Variants in CNBD1 observed in about 807,000 individuals in gnomAD.
CNBD1 encodes cyclic nucleotide-binding domain-containing protein 1.
Under a neutral mutation model 54.4 loss-of-function variants are expected in CNBD1, and 71 were observed. That is an observed-to-expected ratio of 1.30 (90% CI 1.08 to 1.59). The LOEUF (loss-of-function observed/expected upper bound fraction) is 1.59. Ranked by LOEUF, CNBD1 falls within the 40% of genes most tolerant of loss-of-function variation. The pLI is 0.00. For synonymous variants in CNBD1, 182 were observed against 170.7 expected (o/e 1.07, Z -0.51); for missense variants, 659 against 518.0 (o/e 1.27, Z -2.64).
chr8:87,260,909 G>A (rs975261259), intron 6 of CNBD1, among the ~76,000 whole-genome samples: 1 of 151,844 alleles, frequency 6.6e-6, no homozygotes, highest in Non-Finnish European at 1.5e-5. Context: ...TAAAATATTG[G>A]CTTTACTCTC....
chr8:86,968,036 C>T (rs1374948094), intron 4 of CNBD1, among the ~76,000 whole-genome samples: 1 of 152,046 alleles, frequency 6.6e-6, no homozygotes, highest in Admixed American at 6.6e-5. Flanking sequence ...ACATGTGCTT[C>T]TGAGTATTTT....
intron 4 of CNBD1, among the ~76,000 whole-genome samples, chr8:86,999,378 G>A (rs76717315): frequency 0.028 from 4,246 of 152,114 alleles, 87 homozygotes; most frequent in Non-Finnish European, 0.041. Context: ...TCCCTACTGG[G>A]AACCTCCATG....
At chr8:87,343,261 GT>G (rs2130921145) in intron 8 of CNBD1, among the ~76,000 whole-genome samples, 1 of 152,192 alleles carries the variant, frequency 6.6e-6, no homozygotes, top group African/African-American at 2.4e-5. Flanking sequence ...AAACACACAT[GT>G]TTTACGGTCA....
intron 2 of CNBD1, among the ~76,000 whole-genome samples, chr8:87,402,988 A>C (rs1586081028): frequency 2.0e-5 from 3 of 152,188 alleles, no homozygotes; most frequent in Middle Eastern, 3.4e-3. Flanking sequence ...GAAAGTATTT[A>C]TGTATTTTAT....
chr8:87,002,860 C>T (rs1290693669), intron 4 of CNBD1, among the ~76,000 whole-genome samples: 1 of 152,084 alleles, frequency 6.6e-6, no homozygotes, highest in Non-Finnish European at 1.5e-5. Flanking sequence ...CTATGTCTTT[C>T]TTGTTGACTG....
intron 4 of CNBD1, among the ~76,000 whole-genome samples, chr8:87,008,209 C>G (rs994879907): frequency 4.6e-5 from 7 of 152,132 alleles, no homozygotes; most frequent in Admixed American, 2.0e-4. Context: ...CTATTAAGTC[C>G]TACATGTGTT....
At chr8:87,093,395 A>G (rs528699297) in intron 4 of CNBD1, among the ~76,000 whole-genome samples, 12 of 151,998 alleles carry the variant, frequency 7.9e-5, no homozygotes, top group Non-Finnish European at 1.8e-4. Flanking sequence ...TGAGAGGAAA[A>G]TCTGGCTGCC....
intron 6 of CNBD1, among the ~76,000 whole-genome samples, chr8:87,240,073 C>T (rs1369093451): frequency 1.4e-5 from 2 of 143,152 alleles, no homozygotes; most frequent in Non-Finnish European, 3.1e-5. Flanking sequence ...AAAACACACA[C>T]ACACACACAC....
intron 4 of CNBD1, among the ~76,000 whole-genome samples, chr8:87,192,639 A>C (rs1486822473): frequency 6.6e-6 from 1 of 152,202 alleles, no homozygotes; most frequent in Non-Finnish European, 1.5e-5. Flanking sequence ...AGTAACATGA[A>C]ACATAGTGAG....
chr8:87,244,349 C>A (rs963385688), intron 6 of CNBD1, among the ~76,000 whole-genome samples: 1 of 151,942 alleles, frequency 6.6e-6, no homozygotes, highest in Admixed American at 6.6e-5. Context: ...GCAGGTTGGC[C>A]CTGAGAAGTT....
chr8:87,101,442 AAT>A (rs201383561), intron 4 of CNBD1, among the ~76,000 whole-genome samples: 13 of 150,870 alleles, frequency 8.6e-5, no homozygotes, highest in Middle Eastern at 3.2e-3. Flanking sequence ...TACAACTATA[AAT>A]ATATATATAT....
intron 4 of CNBD1, among the ~76,000 whole-genome samples, chr8:86,941,309 C>T (rs746872018): frequency 1.3e-5 from 2 of 152,124 alleles, no homozygotes; most frequent in Non-Finnish European, 2.9e-5. Flanking sequence ...TCACTAAATT[C>T]GTTAAAAATA....
In CNBD1 at chr8:87,206,099, A is replaced by G. The variant is rs1238836791; in HGVS notation, c.538A>G (p.Lys180Glu). The G allele has an allele frequency of 1.3e-6, 2 of 1,595,758 alleles. No individual in the cohort carries two copies. The highest frequency in any genetic ancestry group is 1.7e-6 in the Non-Finnish European group (2 of 1,172,316). The part of the protein sequence containing the change: ...LNDKHLKTLS[K>E]TVFSETWLKG... ...TGATAAGCATCTGAAAACACTTAGT[A>G]AGACTGTCTTTTCCGAAACCTGGTT... is the stretch of plus-strand genomic sequence containing the variant. Residue 180 changes from lysine (K) to glutamate (E), a missense_variant, in exon 5 of 11, where the codon AAG becomes GAG. Transcript: ENST00000518476.
chr8:87,052,089 G>T (rs1810322606), intron 4 of CNBD1, among the ~76,000 whole-genome samples: 1 of 152,172 alleles, frequency 6.6e-6, no homozygotes, highest in South Asian at 2.1e-4. Flanking sequence ...ACAATTTGCA[G>T]GCGTACCCTG....
intron 4 of CNBD1, among the ~76,000 whole-genome samples, chr8:86,973,826 A>G (rs189505699): frequency 6.6e-6 from 1 of 152,180 alleles, no homozygotes; most frequent in Non-Finnish European, 1.5e-5. Flanking sequence ...GAGGGGATAA[A>G]AGAAAATTTA....
chr8:87,065,989 G>A (rs1810644233), intron 4 of CNBD1, among the ~76,000 whole-genome samples: 1 of 151,966 alleles, frequency 6.6e-6, no homozygotes, highest in African/African-American at 2.4e-5. Flanking sequence ...TAGAGACTAT[G>A]AACACCAATA....
At chr8:87,424,020 A>C (rs977119121) in intron 2 of CNBD1, among the ~76,000 whole-genome samples, 4 of 152,136 alleles carry the variant, frequency 2.6e-5, no homozygotes, top group South Asian at 2.1e-4. Flanking sequence ...TGTATGTGTC[A>C]AGGAATTTAT....
intron 10 of CNBD1, among the ~76,000 whole-genome samples, chr8:87,359,411 C>T (rs967316285): frequency 1.5e-4 from 23 of 152,036 alleles, no homozygotes; most frequent in African/African-American, 5.1e-4. Context: ...CTAGATTTTG[C>T]TTGTTTTTTC....
intron 4 of CNBD1, among the ~76,000 whole-genome samples, chr8:87,100,189 A>G (rs754310622): frequency 4.6e-5 from 7 of 152,200 alleles, no homozygotes; most frequent in Non-Finnish European, 1.0e-4. Context: ...GGTGATGCTA[A>G]CAAAAGAAGT....
Sources: gnomAD v4.1 joint callset for allele counts (sites outside exome capture counted in the v4.1 genomes callset) on GRCh38, gnomAD v4.1.1 for gene constraint, MANE v1.5 for transcripts, NCBI Gene and HGNC (gene_info 2026-07-23, HGNC 2026-07-21) for gene names.